Variants in DOK1 observed in about 807,000 individuals in gnomAD.
DOK1 encodes the protein Downstream of tyrosine kinase 1.
A neutral mutation model predicts 24.0 loss-of-function variants in DOK1; 12 were observed. That is an observed-to-expected ratio of 0.50 (90% CI 0.32 to 0.81). The LOEUF is 0.81. Among genes scored for constraint, DOK1 ranks in the 30% least tolerant of loss-of-function variants. The pLI, the probability that DOK1 is intolerant of heterozygous loss-of-function variation, is 0.03. For missense variants in DOK1, 591 were observed against 620.7 expected, an observed-to-expected ratio of 0.95 and a Z score of 0.51; for synonymous variants, 250 against 260.9, an observed-to-expected ratio of 0.96 and a Z score of 0.40.
Position 74,556,198 on chromosome 2 carries a change from C to A in DOK1, c.640-110C>A, listed in dbSNP as rs112845005. 1 of 1,535,008 alleles carries A rather than the reference C, an allele frequency of 6.5e-7. No individual in the cohort carries two copies. Among genetic ancestry groups the A allele is most frequent in the Non-Finnish European group, 8.8e-7 (1 of 1,139,898 alleles). ...CTTTCTTGCCTACCCGGTGACCCCGCGTCTGTTCGCAGGTGGTCTCTTCTT... is the reference window on the plus strand; with the variant it reads ...CTTTCTTGCCTACCCGGTGACCCCGAGTCTGTTCGCAGGTGGTCTCTTCTT... On this transcript the variant is annotated intron_variant, in intron 4 of 4. Transcript: ENST00000233668. This position sits in a 1 kb window ranked among gnomAD's most constrained non-coding sequence, Gnocchi z 4.1.
chr2:74,555,820 C>T lies in DOK1; in HGVS notation c.455-74C>T. The stretch of plus-strand genomic sequence containing the variant: ...TCCGAGTGAGTGCTTGGACACTATG[C>T]TCATGAGTCCTCTGGGTCCCCACTG... On this transcript the variant is annotated intron_variant, in intron 3 of 4. Transcript: ENST00000233668. This position sits in a 1 kb window ranked among gnomAD's most constrained non-coding sequence, Gnocchi z 6.1. The T allele has an allele frequency of 3.2e-6, 5 of 1,580,194 alleles. No homozygotes were observed. The Admixed American group carries it at 8.9e-5, about 28-fold the overall frequency.
chr2:74,555,405 G>A lies in DOK1; in HGVS notation c.312G>A (p.Ala104=). ...AQRSHLLAAD[A]PSSAAWVQTL... ...GCTCGCACCTGCTGGCGGCCGACGC[G>A]CCGTCCAGTGCAGCCTGGGTGCAGA... The change falls in exon 2 of 5, where the codon GCG becomes GCA. Residue 104 remains alanine (A), a synonymous_variant. Coordinates refer to ENST00000233668, the MANE Select transcript of DOK1 (RefSeq NM_001381.5). This position sits in a 1 kb window ranked among gnomAD's most constrained non-coding sequence, Gnocchi z 6.1. The A allele has an allele frequency of 6.2e-7, 1 of 1,611,130 alleles. No individual in the cohort carries two copies. Among genetic ancestry groups the A allele is most frequent in the African/African-American group, 1.3e-5 (1 of 75,032 alleles).
In DOK1 at chr2:74,554,955, A is replaced by G; in HGVS notation, c.60+141A>G. 6.8e-7 allele frequency: 1 copy of G among 1,467,894 alleles called. No homozygotes were observed. The highest frequency in any genetic ancestry group is 2.5e-5 in the East Asian group (1 of 40,544). The allele number at this position is 1,467,894 out of a possible 1,614,324, so 90.9% of individuals were successfully genotyped here. A position where few individuals can be genotyped will look rare whatever the true frequency, so the allele number is the denominator to read the frequency against. On this transcript the variant is annotated intron_variant, in intron 1 of 4. Coordinates refer to ENST00000233668, the MANE Select transcript of DOK1 (RefSeq NM_001381.5). This position sits in a 1 kb window ranked among gnomAD's most constrained non-coding sequence, Gnocchi z 4.9. ...TGACTTTCCCGTGAAGTTGCTTTGC[A>G]CACTCCCGGGAAGCGTCTGTAGTCT...
At chr2:74,553,983 C>A (rs1261728960), upstream of DOK1, 1 of 152,470 alleles carries the variant, frequency 6.6e-6, no homozygotes, top group African/African-American at 2.4e-5. Context: ...AGACTGGACC[C>A]CCCTCTCTCC....
chr2:74,556,221 C>T lies in DOK1; in HGVS notation c.640-87C>T. On this transcript the variant is annotated intron_variant, in intron 4 of 4. Coordinates refer to ENST00000233668, the MANE Select transcript of DOK1 (RefSeq NM_001381.5). This position sits in a 1 kb window ranked among gnomAD's most constrained non-coding sequence, Gnocchi z 4.1. ...CGCGTCTGTTCGCAGGTGGTCTCTT[C>T]TTTGTAGATACCCTAACTAGTGCAG... The T allele has an allele frequency of 6.5e-7, 1 of 1,549,002 alleles. No individual in the cohort carries two copies. The highest frequency in any genetic ancestry group is 1.4e-5 in the African/African-American group (1 of 73,160).
chr2:74,556,581 A>C lies in DOK1; in HGVS notation c.913A>C (p.Ile305Leu), dbSNP rs142941061. Residue 305 changes from isoleucine to leucine, a missense_variant, in exon 5 of 5, where the codon ATT becomes CTT. Coordinates refer to ENST00000233668, the MANE Select transcript of DOK1 (RefSeq NM_001381.5). This position sits in a 1 kb window ranked among gnomAD's most constrained non-coding sequence, Gnocchi z 4.1. ...LYAEPLDSLR[I>L]APCPSQDSLY... ...TGCTGAGCCCTTAGACTCCCTGCGC[A>C]TTGCTCCATGCCCTTCCCAGGACTC... 6.8e-6 allele frequency: 11 copies of C among 1,614,102 alleles called. No homozygotes were observed. In the East Asian group the frequency reaches 2.5e-4, roughly 36 times the overall value.
At chr2:74,550,398 G>A (rs955592426), upstream of DOK1, 5 of 1,574,772 alleles carry the variant, frequency 3.2e-6, no homozygotes, top group Non-Finnish European at 4.3e-6. Context: ...GGGAGGATGG[G>A]GGAGTAATGG....
chr2:74,556,786 C>A lies in DOK1; in HGVS notation c.1118C>A (p.Pro373His). 6.2e-7 allele frequency: 1 copy of A among 1,614,166 alleles called. No homozygotes were observed. The highest frequency in any genetic ancestry group is 8.5e-7 in the Non-Finnish European group (1 of 1,180,036). ...CCTGAGGGCCTGGCCCCAGTCCCTC[C>A]CCAGGGCCTTTATGATCTGCCTCGG... ...DEPEGLAPVP[P>H]QGLYDLPREP... Residue 373 changes from proline to histidine, a missense_variant, in exon 5 of 5, where the codon CCC becomes CAC. Transcript: ENST00000233668. The surrounding 1 kb of genome is among the most constrained non-coding windows in gnomAD (Gnocchi z 4.1).
chr2:74,550,354 G>A (rs1210520405), upstream of DOK1: 1 of 1,612,496 alleles, frequency 6.2e-7, no homozygotes, highest in African/African-American at 1.3e-5. Context: ...GCGGCCTGTG[G>A]AAGGGGAGAT....
Position 74,549,492 on chromosome 2 carries a change from T to C in DOK1, c.-358+320T>C. The C allele has an allele frequency of 6.2e-7, 1 of 1,613,554 alleles. No individual in the cohort carries two copies. The highest frequency in any genetic ancestry group is 8.5e-7 in the Non-Finnish European group (1 of 1,179,874). ...CGACCAGCCGTCAGGAAGCCTGACT[T>C]CCACCAGCCCCTCCGTCACGGGCAG... is the stretch of plus-strand genomic sequence containing the variant. On this transcript the variant is annotated intron_variant, in intron 1 of 4. Coordinates refer to the DOK1 transcript ENST00000409429. This position sits in a 1 kb window ranked among gnomAD's most constrained non-coding sequence, Gnocchi z 5.3.
chr2:74,551,370 C>T (rs1030901556), upstream of DOK1, among the ~76,000 whole-genome samples: 2 of 152,230 alleles, frequency 1.3e-5, no homozygotes, highest in African/African-American at 4.8e-5. Flanking sequence ...ACACCTAGCT[C>T]CTGCCCCACC....
chr2:74,549,284 G>A lies in DOK1; in HGVS notation c.-358+112G>A. ...CGACCCCCGGGTCCTCCCGTGCCCC[G>A]GACCTGCTCAGATGTCTCCCAAGGC... On this transcript the variant is annotated intron_variant, in intron 1 of 4. Transcript: ENST00000409429. The surrounding 1 kb of genome is among the most constrained non-coding windows in gnomAD (Gnocchi z 5.3). The A allele has an allele frequency of 1.4e-6, 2 of 1,409,562 alleles. No homozygotes were observed. The highest frequency in any genetic ancestry group is 1.9e-6 in the Non-Finnish European group (2 of 1,071,918). The allele number at this position is 1,409,562 out of a possible 1,614,324, so 87.3% of individuals were successfully genotyped here.
At chr2:74,552,205 A>T (rs1677057594), upstream of DOK1, 3 of 917,152 alleles carry the variant, frequency 3.3e-6, no homozygotes, top group Non-Finnish European at 3.3e-6. Flanking sequence ...GGATTTACTC[A>T]ATGCTGGCTG....
chr2:74,551,758 C>G (rs1021374095), upstream of DOK1, among the ~76,000 whole-genome samples: 4 of 152,296 alleles, frequency 2.6e-5, no homozygotes, highest in Non-Finnish European at 4.4e-5. Flanking sequence ...ATCATTCCCA[C>G]TGTGGGTTCA....
rs771997565 is a variant in DOK1, at chr2:74,549,325, A to AC, written c.-358+157dup. ...CTCCCAAGGCTATTCATCAGGGAGC[A>AC]CCCCAATCCCGGCCTGCTCCGCCCG... On this transcript the variant is annotated intron_variant, in intron 1 of 4. Coordinates refer to the DOK1 transcript ENST00000409429. The surrounding 1 kb of genome is among the most constrained non-coding windows in gnomAD (Gnocchi z 5.3). 1.2e-4 allele frequency: 185 copies of AC among 1,515,868 alleles called. No individual in the cohort carries two copies. Among genetic ancestry groups the AC allele is most frequent in the Admixed American group, 3.3e-4 (16 of 48,346 alleles). The allele number at this position is 1,515,868 out of a possible 1,614,324, so 93.9% of individuals were successfully genotyped here. A position where few individuals can be genotyped will look rare whatever the true frequency, so the allele number is the denominator to read the frequency against.
rs998038720 is a variant in DOK1 at position 74,556,634 on chromosome 2, G to T, written c.966G>T (p.Thr322=). The T allele has an allele frequency of 2.5e-6, 4 of 1,614,218 alleles. No individual in the cohort carries two copies. The South Asian group carries it at 4.4e-5, about 18-fold the overall frequency. The change falls in exon 5 of 5, where the codon ACG becomes ACT. Residue 322 remains threonine (T), a synonymous_variant. Coordinates refer to ENST00000233668, the MANE Select transcript of DOK1 (RefSeq NM_001381.5). This position sits in a 1 kb window ranked among gnomAD's most constrained non-coding sequence, Gnocchi z 4.1. ...TATACTCAGACCCCTTGGACAGCACGTCTGCTCAGGCAGGAGAGGGAGTAC... is the reference window on the plus strand; with the variant it reads ...TATACTCAGACCCCTTGGACAGCACTTCTGCTCAGGCAGGAGAGGGAGTAC... The part of the protein sequence containing the change: ...DSLYSDPLDS[T]SAQAGEGVQR...
chr2:74,557,047 G>C lies in DOK1; in HGVS notation c.1379G>C (p.Ser460Thr), dbSNP rs1231755491. The change falls in exon 5 of 5, where the codon AGC (serine) becomes ACC (threonine). Residue 460 changes from serine (S) to threonine (T), a missense_variant. Ser to Thr is a moderately conservative substitution (Grantham distance 58, BLOSUM62 1). Coordinates refer to ENST00000233668, the MANE Select transcript of DOK1 (RefSeq NM_001381.5). ...SQVQKSGASGSWDCGLSRVGT... is the reference protein window; with the variant it reads ...SQVQKSGASGTWDCGLSRVGT... Reference sequence around the variant, plus strand: ...GTCCAGAAGAGCGGGGCCTCAGGGAGCTGGGACTGTGGGCTCTCTAGAGTA... The same window carrying C: ...GTCCAGAAGAGCGGGGCCTCAGGGACCTGGGACTGTGGGCTCTCTAGAGTA... 3 of 1,614,188 alleles carry C rather than the reference G, an allele frequency of 1.9e-6. No homozygotes were observed. Among genetic ancestry groups the C allele is most frequent in the Non-Finnish European group, 2.5e-6 (3 of 1,180,034 alleles).
Position 74,555,630 on chromosome 2 carries a change from A to G in DOK1, c.416A>G (p.Glu139Gly), listed in dbSNP as rs1677393360. The change falls in exon 3 of 5, where the codon GAG becomes GGG. Residue 139 changes from glutamate to glycine, a missense_variant. Coordinates refer to ENST00000233668, the MANE Select transcript of DOK1 (RefSeq NM_001381.5). The surrounding 1 kb of genome is among the most constrained non-coding windows in gnomAD (Gnocchi z 6.1). ...AACCCACCTAAGCTTTCTGCCCTGG[A>G]GATGCTGGAGAACTCCTTGTACAGC... ...TDNPPKLSAL[E>G]MLENSLYSPT... The G allele has an allele frequency of 6.2e-7, 1 of 1,613,896 alleles. No homozygotes were observed. Among genetic ancestry groups the G allele is most frequent in the South Asian group, 1.1e-5 (1 of 91,050 alleles).
chr2:74,549,484 G>T lies in DOK1; in HGVS notation c.-358+312G>T. 1 of 1,613,504 alleles carries T rather than the reference G, an allele frequency of 6.2e-7. No homozygotes were observed. Among genetic ancestry groups the T allele is most frequent in the Non-Finnish European group, 8.5e-7 (1 of 1,179,838 alleles). Reference sequence around the variant, plus strand: ...CACACTTGCGACCAGCCGTCAGGAAGCCTGACTTCCACCAGCCCCTCCGTC... The same window carrying T: ...CACACTTGCGACCAGCCGTCAGGAATCCTGACTTCCACCAGCCCCTCCGTC... On this transcript the variant is annotated intron_variant, in intron 1 of 4. Transcript: ENST00000409429. The surrounding 1 kb of genome is among the most constrained non-coding windows in gnomAD (Gnocchi z 5.3).
Sources: gnomAD v4.1 joint callset for allele counts (sites outside exome capture counted in the v4.1 genomes callset) on GRCh38, gnomAD v4.1.1 for gene constraint, Gnocchi (gnomAD v3.1) non-coding constraint, MANE v1.5 for transcripts, NCBI Gene and HGNC (gene_info 2026-07-23, HGNC 2026-07-21) for gene names.